MALRD1: variants seen among roughly 807,000 people sequenced by gnomAD.
MALRD1 encodes MAM and LDL receptor class A domain containing 1.
A neutral mutation model predicts 242.1 loss-of-function variants in MALRD1; 247 were observed. That is an observed-to-expected ratio of 1.02 (90% confidence interval 0.92 to 1.13). The LOEUF (loss-of-function observed/expected upper bound fraction) is 1.13. Among genes scored for constraint, MALRD1 ranks in the 50% most tolerant of loss-of-function variants. MALRD1 has a pLI of 0.00. For missense variants in MALRD1, 2,989 were observed against 2,533.1 expected, an observed-to-expected ratio of 1.18 and a Z score of -3.86; for synonymous variants, 995 against 866.6, an observed-to-expected ratio of 1.15 and a Z score of -2.60.
At chr10:19,256,514 C>T (rs932684820) in intron 18 of MALRD1, among the ~76,000 whole-genome samples, 14 of 151,956 alleles carry the variant, frequency 9.2e-5, no homozygotes, top group African/African-American at 2.4e-4. Flanking sequence ...TGTAAAACAG[C>T]GGGACACTTC....
chr10:19,441,288 A>G (rs181311175), intron 28 of MALRD1, among the ~76,000 whole-genome samples: 52 of 152,100 alleles, frequency 3.4e-4, no homozygotes, highest in Admixed American at 1.1e-3. Context: ...CATTCTGTAG[A>G]TTGCCTGTTC....
At chr10:19,693,676 A>T (rs1011833840) in intron 38 of MALRD1, among the ~76,000 whole-genome samples, 2 of 152,194 alleles carry the variant, frequency 1.3e-5, no homozygotes, top group Non-Finnish European at 2.9e-5. Context: ...ATTCAATGCC[A>T]TCCCCATCAA....
At chr10:19,349,864 A>G (rs116429399) in intron 25 of MALRD1, among the ~76,000 whole-genome samples, 3,109 of 152,256 alleles carry the variant, frequency 0.02, 97 homozygotes, top group African/African-American at 0.071. Context: ...TTCATACTGT[A>G]GTAACTAAGA....
At chr10:19,204,487 T>A (rs1254966547) in intron 16 of MALRD1, 74 bp downstream of exon 16, 2 of 880,874 alleles carry the variant, frequency 2.3e-6, no homozygotes, top group Admixed American at 6.0e-5. Context: ...GGCATACCTC[T>A]GCACTTATTC....
At chr10:19,249,184 C>T (rs976120633) in intron 18 of MALRD1, among the ~76,000 whole-genome samples, 2 of 150,808 alleles carry the variant, frequency 1.3e-5, no homozygotes, top group Middle Eastern at 6.9e-3. Flanking sequence ...TGATAAATAA[C>T]CGAAGATTGA....
At chr10:19,223,591 A>G in intron 18 of MALRD1, among the ~76,000 whole-genome samples, 1 of 152,200 alleles carries the variant, frequency 6.6e-6, no homozygotes, top group East Asian at 1.9e-4. Context: ...ATACATATGC[A>G]GAACTTGCAG....
At chr10:19,670,093 A>AAAC (rs1564529483) in intron 36 of MALRD1, among the ~76,000 whole-genome samples, 69 of 115,178 alleles carry the variant, frequency 6.0e-4, no homozygotes, top group African/African-American at 1.5e-3. Flanking sequence ...CACACACACA[A>AAAC]ACACACACAC....
In MALRD1 at chr10:19,326,566, G is replaced by T. The variant is rs375584533; in HGVS notation, c.3577-997G>T. On this transcript the variant is annotated intron_variant, in intron 22 of 39. Coordinates refer to ENST00000454679, the MANE Select transcript of MALRD1 (RefSeq NM_001142308.3). ...ATGCCTTTCAAAATTGATTTTTACT[G>T]ATTGGTTAGAAATGATGTTTTCTTG... Among the ~76,000 whole-genome samples, 147 of 151,856 alleles carry T rather than the reference G, an allele frequency of 9.7e-4. 1 individual carries two copies. The highest frequency in any genetic ancestry group is 3.4e-3 in the African/African-American group (140 of 41,464).
intron 4 of MALRD1, among the ~76,000 whole-genome samples, chr10:19,100,219 A>G (rs1028972565): frequency 1.3e-5 from 2 of 152,118 alleles, no homozygotes; most frequent in Non-Finnish European, 2.9e-5. Context: ...ACATAGACAC[A>G]TTGGTAAATT....
In MALRD1 at chr10:19,102,532, T is replaced by G. The variant is rs190610291; in HGVS notation, c.598-1447T>G. On this transcript the variant is annotated intron_variant, in intron 4 of 39. Coordinates refer to ENST00000454679, the MANE Select transcript of MALRD1 (RefSeq NM_001142308.3). ...AATTTCCCATAGAAAAATGATCTGTTGTGTTTTGCTGCATCCAGATCAATT... is the reference window on the plus strand; with the variant it reads ...AATTTCCCATAGAAAAATGATCTGTGGTGTTTTGCTGCATCCAGATCAATT... 2.7e-3 allele frequency among the ~76,000 whole-genome samples: 413 copies of G among 152,238 alleles called. 1 individual carries two copies. Among genetic ancestry groups the G allele is most frequent in the African/African-American group, 9.5e-3 (396 of 41,546 alleles).
intron 33 of MALRD1, among the ~76,000 whole-genome samples, chr10:19,572,041 G>A (rs1244393887): frequency 2.6e-5 from 4 of 152,056 alleles, no homozygotes; most frequent in Non-Finnish European, 5.9e-5. Context: ...AACAACATTT[G>A]TCACCCCAAG....
In MALRD1 at chr10:19,165,681, T is replaced by C; in HGVS notation, c.1701T>C (p.Val567=). 1 of 1,231,638 alleles carries C rather than the reference T, an allele frequency of 8.1e-7. No individual in the cohort carries two copies. The highest frequency in any genetic ancestry group is 4.1e-5 in the South Asian group (1 of 24,310). 76.3% of individuals were successfully genotyped at this position (1,231,638 alleles called of 1,614,324 possible). A position where few individuals can be genotyped will look rare whatever the true frequency, so the allele number is the denominator to read the frequency against. ...YHLSQHSNLS[V]FTRTSLDGNL... is the part of the protein sequence containing the mutation. ...TGTCTCAACATTCAAATCTCTCAGTTTTTACAAGAACGTCTCTAGATGGAA... is the reference window on the plus strand; with the variant it reads ...TGTCTCAACATTCAAATCTCTCAGTCTTTACAAGAACGTCTCTAGATGGAA... Residue 567 remains valine (V), a synonymous_variant, in exon 13 of 40, where the codon GTT becomes GTC. Coordinates refer to ENST00000454679, the MANE Select transcript of MALRD1 (RefSeq NM_001142308.3).
intron 2 of MALRD1, among the ~76,000 whole-genome samples, chr10:19,075,950 A>G (rs1835303876): frequency 6.6e-6 from 1 of 152,058 alleles, no homozygotes; most frequent in Non-Finnish European, 1.5e-5. Flanking sequence ...TGCAGTGAGT[A>G]AAATCTCCGT....
intron 36 of MALRD1, among the ~76,000 whole-genome samples, chr10:19,673,488 C>A (rs544171634): frequency 1.8e-4 from 27 of 152,284 alleles, no homozygotes; most frequent in African/African-American, 6.3e-4. Flanking sequence ...GCACCATATA[C>A]TCTTATATTC....
intron 26 of MALRD1, among the ~76,000 whole-genome samples, chr10:19,372,451 G>A (rs1845418526): frequency 6.6e-6 from 1 of 151,824 alleles, no homozygotes; most frequent in African/African-American, 2.4e-5. Context: ...ATGAGACATA[G>A]GCCTCTTGAA....
chr10:19,633,166 G>T (rs1239643535), intron 36 of MALRD1, among the ~76,000 whole-genome samples: 1 of 152,116 alleles, frequency 6.6e-6, no homozygotes, highest in African/African-American at 2.4e-5. Context: ...GGGAGGTGGA[G>T]GTTACAGTGA....
intron 23 of MALRD1, among the ~76,000 whole-genome samples, chr10:19,329,398 T>C (rs1419697642): frequency 8.4e-6 from 1 of 119,666 alleles, no homozygotes; most frequent in Non-Finnish European, 1.7e-5. Flanking sequence ...GAAGCTTGTA[T>C]AATTTTATTT....
chr10:19,645,517 A>T (rs11010903), intron 36 of MALRD1, among the ~76,000 whole-genome samples: 1 of 152,152 alleles, frequency 6.6e-6, no homozygotes, highest in Non-Finnish European at 1.5e-5. Context: ...AGAAAATGTC[A>T]CACATACACA....
At chr10:19,575,455 A>G (rs1442950705) in intron 33 of MALRD1, among the ~76,000 whole-genome samples, 1 of 151,280 alleles carries the variant, frequency 6.6e-6, no homozygotes, top group Non-Finnish European at 1.5e-5. Flanking sequence ...TCCCAGCTAG[A>G]CAGTGGAATG....
Sources: allele counts gnomAD v4.1 joint callset (sites outside exome capture counted in the v4.1 genomes callset), GRCh38; gene constraint gnomAD v4.1.1; transcripts MANE v1.5; gene names NCBI Gene and HGNC (gene_info 2026-07-23, HGNC 2026-07-21).